Variants in VPS13D observed in about 807,000 individuals in gnomAD.
The protein encoded by VPS13D is vacuolar protein sorting 13 homolog D.
In VPS13D, 187 loss-of-function variants were observed where a neutral mutation model predicts 461.9. That is an observed-to-expected ratio of 0.40 (90% CI 0.36 to 0.46). The LOEUF (loss-of-function observed/expected upper bound fraction) is 0.46, where lower values mean the gene tolerates loss of function less well. Ranked by LOEUF, VPS13D falls within the 20% of genes least tolerant of loss-of-function variation. The pLI is 0.60. For synonymous variants in VPS13D, 1,951 were observed against 1,986.3 expected, an observed-to-expected ratio of 0.98 and a Z score of 0.47; for missense variants, 4,711 against 5,364.9, an observed-to-expected ratio of 0.88 and a Z score of 3.81.
In VPS13D at chr1:12,381,912, C is replaced by CTTTCTTTTCT. The variant is rs200150692; in HGVS notation, c.11191-1056_11191-1047dup. 1.8e-3 allele frequency among the ~76,000 whole-genome samples: 206 copies of CTTTCTTTTCT among 111,992 alleles called. 5 individuals are homozygous for CTTTCTTTTCT. Among genetic ancestry groups the CTTTCTTTTCT allele is most frequent in the African/African-American group, 4.2e-3 (139 of 33,114 alleles). The allele number at this position is 111,992 out of a possible 152,430, so 73.5% of individuals were successfully genotyped here. A position where few individuals can be genotyped will look rare whatever the true frequency, so the allele number is the denominator to read the frequency against. On this transcript the variant is annotated intron_variant, in intron 57 of 69. Coordinates refer to ENST00000620676, the MANE Select transcript of VPS13D (RefSeq NM_015378.4). ...AGTCAGTCTGTCTTTTTTTCTTTTT[C>CTTTCTTTTCT]TTTCTTTTCTTTTCTTTCTTTCTTT...
At chr1:12,281,601 A>G (rs888246474) in intron 20 of VPS13D, among the ~76,000 whole-genome samples, 4 of 152,130 alleles carry the variant, frequency 2.6e-5, no homozygotes, top group Admixed American at 2.6e-4. Context: ...TGTATACTTC[A>G]TATTACTTTA....
At chr1:12,456,442 A>G (rs2100399634) in intron 66 of VPS13D, among the ~76,000 whole-genome samples, 1 of 152,152 alleles carries the variant, frequency 6.6e-6, no homozygotes, top group Non-Finnish European at 1.5e-5. Flanking sequence ...GTTTGAGACC[A>G]GTCTGGCCAA....
intron 26 of VPS13D, among the ~76,000 whole-genome samples, chr1:12,308,054 A>G (rs1248255025): frequency 3.3e-5 from 5 of 152,074 alleles, no homozygotes; most frequent in South Asian, 2.1e-4. Context: ...AGTGCTGGAG[A>G]AAGTTTGTAA....
intron 54 of VPS13D, among the ~76,000 whole-genome samples, chr1:12,373,047 G>T (rs904759762): frequency 9.6e-5 from 14 of 146,338 alleles, no homozygotes; most frequent in Non-Finnish European, 1.5e-4. Context: ...CTGATCATCT[G>T]CCTGGCAGAG....
intron 63 of VPS13D, 70 bp from the exon 64 acceptor site, chr1:12,415,017 T>C (rs1644776208): frequency 6.4e-7 from 1 of 1,556,632 alleles, no homozygotes; most frequent in Admixed American, 1.8e-5. Flanking sequence ...TTTAATGGAA[T>C]CTAGAATTAT....
At chr1:12,256,106 A>T (rs1213673963) in intron 7 of VPS13D, among the ~76,000 whole-genome samples, 1 of 152,072 alleles carries the variant, frequency 6.6e-6, no homozygotes, top group Admixed American at 6.6e-5. Context: ...AGGTGGGAGG[A>T]TCACTTGAGC....
intron 5 of VPS13D, among the ~76,000 whole-genome samples, chr1:12,247,095 A>C (rs1640575736): frequency 6.6e-6 from 1 of 152,174 alleles, no homozygotes; most frequent in Non-Finnish European, 1.5e-5. Flanking sequence ...TATCACCAGC[A>C]ATGTATGAGC....
intron 60 of VPS13D, among the ~76,000 whole-genome samples, chr1:12,394,119 C>A (rs562379062): frequency 6.6e-6 from 1 of 152,234 alleles, no homozygotes; most frequent in East Asian, 1.9e-4. Flanking sequence ...CGTAAATTGT[C>A]GGCAATGTAG....
intron 2 of VPS13D, 28 bp downstream of exon 2, chr1:12,234,391 CTT>C: frequency 6.4e-7 from 1 of 1,556,412 alleles, no homozygotes. Flanking sequence ...TGAGATACAG[CTT>C]TATAGGTGGC....
chr1:12,480,114 G>A (rs1645693541), intron 67 of VPS13D, among the ~76,000 whole-genome samples: 1 of 152,140 alleles, frequency 6.6e-6, no homozygotes, highest in African/African-American at 2.4e-5. Flanking sequence ...CCATCCCTGT[G>A]TACCCCATTC....
chr1:12,292,773 A>C (rs1262764528), intron 23 of VPS13D, among the ~76,000 whole-genome samples: 2 of 152,038 alleles, frequency 1.3e-5, no homozygotes, highest in Admixed American at 1.3e-4. Flanking sequence ...CTGATGTTCA[A>C]CCAAGGTTGA....
At chr1:12,237,609 A>G (rs1212016161) in intron 2 of VPS13D, among the ~76,000 whole-genome samples, 5 of 151,968 alleles carry the variant, frequency 3.3e-5, no homozygotes, top group Non-Finnish European at 5.9e-5. Context: ...ACCTGAGGCC[A>G]GAAGTTCAAG....
chr1:12,239,912 C>T (rs375871024), intron 2 of VPS13D, among the ~76,000 whole-genome samples: 2 of 152,192 alleles, frequency 1.3e-5, no homozygotes, highest in African/African-American at 4.8e-5. Flanking sequence ...TGGGGTCTGT[C>T]TGGAGTGAGT....
At chr1:12,421,044 GTTTAATTTA>G (rs1355732631) in intron 65 of VPS13D, among the ~76,000 whole-genome samples, 1 of 152,154 alleles carries the variant, frequency 6.6e-6, no homozygotes, top group African/African-American at 2.4e-5. Context: ...CATCTCTGTT[GTTTAATTTA>G]TTTAATACTG....
chr1:12,506,512 G>A (rs1238214911), intron 68 of VPS13D, among the ~76,000 whole-genome samples: 8 of 152,056 alleles, frequency 5.3e-5, no homozygotes, highest in South Asian at 2.1e-4. Context: ...AGCTTTCAGC[G>A]CCCCCAGCTG....
intron 14 of VPS13D, 52 bp downstream of exon 14, chr1:12,267,063 G>C (rs778081078): frequency 6.8e-7 from 1 of 1,471,284 alleles, no homozygotes; most frequent in Non-Finnish European, 9.0e-7. Flanking sequence ...GTAAATTGTA[G>C]TCTGTTTTAG....
intron 63 of VPS13D, among the ~76,000 whole-genome samples, chr1:12,407,956 T>C (rs902732637): frequency 9.8e-5 from 15 of 152,330 alleles, no homozygotes; most frequent in East Asian, 5.8e-4. Flanking sequence ...CAAAGTAGTA[T>C]TGGCAAAACA....
At chr1:12,378,245 T>C (rs1347930941) in intron 55 of VPS13D, among the ~76,000 whole-genome samples, 183 bp from the exon 56 acceptor site, 1 of 152,214 alleles carries the variant, frequency 6.6e-6, no homozygotes, top group Non-Finnish European at 1.5e-5. Flanking sequence ...TATTTTACCC[T>C]AAGAACAACA....
At chr1:12,309,839 A>G (rs919616997) in intron 27 of VPS13D, among the ~76,000 whole-genome samples, 2 of 150,966 alleles carry the variant, frequency 1.3e-5, no homozygotes, top group Non-Finnish European at 1.5e-5. Context: ...CTTTTTGGCC[A>G]CTCCCTTCAC....
Sources: gnomAD v4.1 joint callset for allele counts (sites outside exome capture counted in the v4.1 genomes callset) on GRCh38, gnomAD v4.1.1 for gene constraint, MANE v1.5 for transcripts, NCBI Gene and HGNC (gene_info 2026-07-23, HGNC 2026-07-21) for gene names.